The following GBP7 variants were observed in gnomAD, a reference collection of about 807,000 sequenced individuals.
GBP7 encodes the protein guanylate-binding protein 7.
In GBP7, 43 loss-of-function variants were observed where a neutral mutation model predicts 61.3. The observed-to-expected ratio is 0.70, with a 90% CI of 0.55 to 0.91. The LOEUF is 0.91. Among genes scored for constraint, GBP7 ranks in the 40% least tolerant of loss-of-function variants. The pLI, the probability that GBP7 is intolerant of heterozygous loss-of-function variation, is 0.00. For synonymous variants in GBP7, 267 were observed against 271.0 expected (o/e 0.99, Z 0.14); for missense variants, 717 against 740.5 (o/e 0.97, Z 0.37).
chr1:89,155,113 C>T (rs1036751563), intron 3 of GBP7, among the ~76,000 whole-genome samples: 1 of 152,236 alleles, frequency 6.6e-6, no homozygotes, highest in Admixed American at 6.5e-5. Flanking sequence ...CTCCAGCAAA[C>T]TCCAACAGAC....
chr1:89,161,720 GTTGT>G (rs1425632733), intron 3 of GBP7, among the ~76,000 whole-genome samples: 3 of 151,974 alleles, frequency 2.0e-5, no homozygotes, highest in African/African-American at 4.8e-5. Flanking sequence ...CATTCTTTAG[GTTGT>G]TTGTTTACTC....
At chr1:89,169,375 T>C (rs1375278010) in intron 2 of GBP7, among the ~76,000 whole-genome samples, 2 of 152,180 alleles carry the variant, frequency 1.3e-5, no homozygotes, top group Non-Finnish European at 2.9e-5. Flanking sequence ...TTGCTGTACT[T>C]GTATAAATAA....
At position 89,135,111 on chromosome 1, in the gene GBP7, A is replaced by C. The variant is rs558829177; in HGVS notation, c.1469-1660T>G. On this transcript the variant is annotated intron_variant, in intron 9 of 10. Coordinates refer to ENST00000294671, the MANE Select transcript of GBP7 (RefSeq NM_207398.3). ...GAGGAAATAATCTCAGAGCTCAAAA[A>C]CCCATTTTTCAAATCAACTTAGTCA... Among the ~76,000 whole-genome samples, 3 of 152,288 alleles carry C rather than the reference A, an allele frequency of 2.0e-5. No homozygotes were observed. In the East Asian group the frequency reaches 5.8e-4, roughly 29 times the overall value.
chr1:89,159,463 C>G (rs898308039), intron 3 of GBP7, among the ~76,000 whole-genome samples: 1 of 152,144 alleles, frequency 6.6e-6, no homozygotes, highest in Non-Finnish European at 1.5e-5. Flanking sequence ...ATTTACCCAT[C>G]TGACAAAGGG....
intron 8 of GBP7, among the ~76,000 whole-genome samples, chr1:89,147,260 A>C (rs1682090828): frequency 6.6e-6 from 1 of 152,206 alleles, no homozygotes; most frequent in South Asian, 2.1e-4. Context: ...AGATTCTGAA[A>C]ACAAAGTTTT....
At chr1:89,162,058 G>A (rs1379132468) in intron 3 of GBP7, among the ~76,000 whole-genome samples, 1 of 136,668 alleles carries the variant, frequency 7.3e-6, no homozygotes, top group African/African-American at 2.8e-5. Context: ...TTTTTTTTCA[G>A]GTTTGTCAAA....
chr1:89,169,539 G>T (rs1046391999), intron 2 of GBP7, among the ~76,000 whole-genome samples: 2 of 152,122 alleles, frequency 1.3e-5, no homozygotes, highest in Non-Finnish European at 2.9e-5. Context: ...TTACTTTTGA[G>T]TTTATTATTA....
intron 8 of GBP7, among the ~76,000 whole-genome samples, chr1:89,143,413 G>T (rs1214612202): frequency 3.9e-5 from 6 of 152,140 alleles, no homozygotes; most frequent in African/African-American, 1.4e-4. Context: ...ATTACAAGTA[G>T]CTATTTATTT....
chr1:89,158,838 T>C (rs1682371060), intron 3 of GBP7, among the ~76,000 whole-genome samples: 1 of 152,148 alleles, frequency 6.6e-6, no homozygotes, highest in Non-Finnish European at 1.5e-5. Flanking sequence ...AATGACTTTC[T>C]TCACAGAATT....
At position 89,171,733 on chromosome 1, in the gene GBP7, T is replaced by C; in HGVS notation, c.190+13A>G. ...CAGATGGGGCTCATCCATGCTTTGC[T>C]GGTGCCACTCACCTTTGTTCTTCCC... On this transcript the variant is annotated intron_variant, in intron 2 of 10. Transcript: ENST00000294671. 3 of 1,611,198 alleles carry C rather than the reference T, an allele frequency of 1.9e-6. No individual in the cohort carries two copies. Among genetic ancestry groups the C allele is most frequent in the African/African-American group, 1.3e-5 (1 of 74,546 alleles).
intron 2 of GBP7, among the ~76,000 whole-genome samples, chr1:89,166,719 A>G (rs1232101306): frequency 6.6e-6 from 1 of 152,218 alleles, no homozygotes. Context: ...CTTCCATTGA[A>G]GATGTTGCCA....
chr1:89,167,875 T>G (rs1647485736), intron 2 of GBP7, among the ~76,000 whole-genome samples: 1 of 152,230 alleles, frequency 6.6e-6, no homozygotes, highest in Non-Finnish European at 1.5e-5. Flanking sequence ...ATTTTATTTT[T>G]TTCTCTTCAG....
chr1:89,153,707 G>C (rs1290101348), intron 3 of GBP7, among the ~76,000 whole-genome samples: 1 of 151,998 alleles, frequency 6.6e-6, no homozygotes, highest in African/African-American at 2.4e-5. Context: ...GCCAGGAGTG[G>C]AACAAAAGTC....
chr1:89,158,908 A>G (rs141564545), intron 3 of GBP7, among the ~76,000 whole-genome samples: 6,492 of 152,244 alleles, frequency 0.043, 444 homozygotes, highest in African/African-American at 0.15. Flanking sequence ...TGCCAAGAGA[A>G]TCCTAAGCCA....
chr1:89,171,652 C>CTTATCTTGGTAAT (rs1647602185), intron 2 of GBP7, 94 bp downstream of exon 2: 7 of 1,143,910 alleles, frequency 6.1e-6, no homozygotes, highest in Non-Finnish European at 8.7e-6. Flanking sequence ...TACTTATCCC[C>CTTATCTTGGTAAT]AACACTAACT....
At chr1:89,173,082 A>G (rs1163612065) in intron 1 of GBP7, among the ~76,000 whole-genome samples, 1 of 151,806 alleles carries the variant, frequency 6.6e-6, no homozygotes, top group Non-Finnish European at 1.5e-5. Context: ...CTTCCATCAT[A>G]TTTTCAGCGC....
intron 3 of GBP7, among the ~76,000 whole-genome samples, chr1:89,159,737 A>G (rs1682392983): frequency 6.6e-6 from 1 of 152,248 alleles, no homozygotes; most frequent in Admixed American, 6.5e-5. Flanking sequence ...GATGTGGAGA[A>G]ATAGGAACAC....
intron 3 of GBP7, among the ~76,000 whole-genome samples, chr1:89,156,819 A>G (rs1682325127): frequency 6.6e-6 from 1 of 152,208 alleles, no homozygotes; most frequent in Non-Finnish European, 1.5e-5. Context: ...GTTAACAAAG[A>G]TATCCAGTAA....
At chr1:89,165,326 C>A (rs1421542081) in intron 2 of GBP7, among the ~76,000 whole-genome samples, 1 of 151,984 alleles carries the variant, frequency 6.6e-6, no homozygotes, top group Non-Finnish European at 1.5e-5. Context: ...ATGGTGAAAT[C>A]CTGTCTCTAC....
Sources: allele counts gnomAD v4.1 joint callset (sites outside exome capture counted in the v4.1 genomes callset), GRCh38; gene constraint gnomAD v4.1.1; transcripts MANE v1.5; gene names NCBI Gene and HGNC (gene_info 2026-07-23, HGNC 2026-07-21).